The following CTNNA3 variants were observed in gnomAD, a reference collection of about 807,000 sequenced individuals.
CTNNA3 encodes the protein catenin alpha 3, also known as catenin alpha-3.
CTNNA3 carries 76 observed loss-of-function variants against 95.7 expected under a neutral mutation model. That is an observed-to-expected ratio of 0.79 (90% CI 0.66 to 0.96). The LOEUF (loss-of-function observed/expected upper bound fraction) is 0.96, where lower values mean the gene tolerates loss of function less well. Among genes scored for constraint, CTNNA3 ranks in the 40% least tolerant of loss-of-function variants. CTNNA3 has a pLI of 0.00. For missense variants in CTNNA3, 1,191 were observed against 1,089.8 expected, an observed-to-expected ratio of 1.09 and a Z score of -1.31; for synonymous variants, 431 against 374.4, an observed-to-expected ratio of 1.15 and a Z score of -1.74.
intron 5 of CTNNA3, among the ~76,000 whole-genome samples, chr10:67,410,816 A>G (rs901577998): frequency 6.6e-6 from 1 of 152,134 alleles, no homozygotes; most frequent in Non-Finnish European, 1.5e-5. Flanking sequence ...CCATCCACAG[A>G]TGAGTAGATA....
At chr10:66,994,760 G>A (rs1240081002) in intron 7 of CTNNA3, among the ~76,000 whole-genome samples, 3 of 152,162 alleles carry the variant, frequency 2.0e-5, no homozygotes, top group African/African-American at 7.2e-5. Flanking sequence ...ATAGAATACA[G>A]CTGCAGGGCT....
intron 7 of CTNNA3, among the ~76,000 whole-genome samples, chr10:66,942,435 GT>G (rs1162593207): frequency 6.6e-6 from 1 of 152,062 alleles, no homozygotes; most frequent in Non-Finnish European, 1.5e-5. Context: ...GAAAAATTCT[GT>G]TGTTAGTATT....
chr10:67,236,306 A>G (rs1865453633), intron 5 of CTNNA3, among the ~76,000 whole-genome samples: 2 of 151,090 alleles, frequency 1.3e-5, no homozygotes, highest in South Asian at 4.2e-4. Flanking sequence ...TGTGGCACAT[A>G]TACACCATGG....
chr10:66,955,477 TATGCATCTAAG>T, intron 7 of CTNNA3, among the ~76,000 whole-genome samples: 1 of 152,238 alleles, frequency 6.6e-6, no homozygotes, highest in East Asian at 1.9e-4. Context: ...TGCATGACAG[TATGCATCTAAG>T]AAGTCGAGGG....
chr10:67,727,811 T>C (rs1841247962), intron 1 of CTNNA3, among the ~76,000 whole-genome samples: 1 of 129,894 alleles, frequency 7.7e-6, no homozygotes, highest in African/African-American at 2.9e-5. Context: ...ATATGTATTA[T>C]ATATCATATA....
chr10:67,486,074 G>C (rs1848437547), intron 5 of CTNNA3, among the ~76,000 whole-genome samples: 1 of 152,204 alleles, frequency 6.6e-6, no homozygotes, highest in African/African-American at 2.4e-5. Flanking sequence ...TGGTGACATA[G>C]ATGTTACAAC....
chr10:67,415,257 A>C (rs1250917938), intron 5 of CTNNA3, among the ~76,000 whole-genome samples: 1 of 152,168 alleles, frequency 6.6e-6, no homozygotes, highest in Non-Finnish European at 1.5e-5. Context: ...GAAAACCCTA[A>C]AGACTGCTAA....
chr10:66,031,646 C>T (rs2079451479), intron 15 of CTNNA3, among the ~76,000 whole-genome samples: 1 of 152,172 alleles, frequency 6.6e-6, no homozygotes, highest in Non-Finnish European at 1.5e-5. Context: ...ATCAGTCATA[C>T]TCTGAACTTC....
chr10:66,829,165 T>C (rs996209450), intron 7 of CTNNA3, among the ~76,000 whole-genome samples: 2 of 152,184 alleles, frequency 1.3e-5, no homozygotes, highest in Admixed American at 1.3e-4. Flanking sequence ...TAAACTCCCT[T>C]TATGGAAAGC....
At chr10:66,113,481 A>T (rs556047649) in intron 13 of CTNNA3, among the ~76,000 whole-genome samples, 1 of 152,184 alleles carries the variant, frequency 6.6e-6, no homozygotes, top group African/African-American at 2.4e-5. Flanking sequence ...TAAGGCTGGA[A>T]CTATGGTAGA....
intron 5 of CTNNA3, among the ~76,000 whole-genome samples, chr10:67,260,651 A>T (rs1002244833): frequency 6.6e-6 from 1 of 151,886 alleles, no homozygotes; most frequent in Non-Finnish European, 1.5e-5. Context: ...ATAACATGCT[A>T]CGTGACTTTC....
chr10:66,268,137 C>T (rs573791156), intron 13 of CTNNA3, among the ~76,000 whole-genome samples: 71 of 151,994 alleles, frequency 4.7e-4, no homozygotes, highest in Non-Finnish European at 7.1e-4. Context: ...AATAAGAGCA[C>T]GATGACAGAA....
At chr10:66,748,898 C>A (rs1215707080) in intron 9 of CTNNA3, among the ~76,000 whole-genome samples, 1 of 151,856 alleles carries the variant, frequency 6.6e-6, no homozygotes, top group Admixed American at 6.6e-5. Context: ...CTAGGTTGGG[C>A]ACGGTGGCTC....
intron 7 of CTNNA3, among the ~76,000 whole-genome samples, chr10:67,077,352 T>C (rs1856794542): frequency 6.6e-6 from 1 of 152,084 alleles, no homozygotes; most frequent in Non-Finnish European, 1.5e-5. Context: ...TCCTTCAAAA[T>C]CCCTAAAAAT....
chr10:67,193,672 C>A (rs1352573419), intron 6 of CTNNA3, among the ~76,000 whole-genome samples: 1 of 151,990 alleles, frequency 6.6e-6, no homozygotes, highest in Non-Finnish European at 1.5e-5. Flanking sequence ...GACATAATCT[C>A]ACTCTTTTTA....
chr10:67,171,582 A>AAAAAAG (rs1554936948), intron 7 of CTNNA3, among the ~76,000 whole-genome samples: 4 of 151,734 alleles, frequency 2.6e-5, no homozygotes, highest in Admixed American at 2.0e-4. Context: ...CTCAAAAAAA[A>AAAAAAG]AAAAAGAAAA....
At chr10:67,685,539 C>T (rs2133577048) in intron 1 of CTNNA3, among the ~76,000 whole-genome samples, 1 of 152,274 alleles carries the variant, frequency 6.6e-6, no homozygotes, top group East Asian at 1.9e-4. Flanking sequence ...TTTAGATCCC[C>T]TGTTAGGAAA....
At chr10:66,752,173 T>TTAAA (rs1387126785) in intron 9 of CTNNA3, among the ~76,000 whole-genome samples, 5 of 152,002 alleles carry the variant, frequency 3.3e-5, no homozygotes, top group Non-Finnish European at 5.9e-5. Flanking sequence ...GAAAGAGGAC[T>TTAAA]GACAACACCT....
chr10:66,919,273 A>T (rs1445486995), intron 7 of CTNNA3, among the ~76,000 whole-genome samples: 2 of 151,876 alleles, frequency 1.3e-5, no homozygotes, highest in Non-Finnish European at 2.9e-5. Context: ...TAATTTTTGG[A>T]GTTGATATTT....
Sources: gnomAD v4.1 joint callset for allele counts (sites outside exome capture counted in the v4.1 genomes callset) on GRCh38, gnomAD v4.1.1 for gene constraint, MANE v1.5 for transcripts, NCBI Gene and HGNC (gene_info 2026-07-23, HGNC 2026-07-21) for gene names.